ASAP1: variants seen among roughly 807,000 people sequenced by gnomAD.
ASAP1 encodes the protein arf-GAP with SH3 domain, ANK repeat and PH domain-containing protein 1.
A neutral mutation model predicts 145.2 loss-of-function variants in ASAP1; 43 were observed. The ratio of observed to expected loss-of-function variants is 0.30; its 90% CI spans 0.23 to 0.38. The LOEUF is 0.38. Among genes scored for constraint, ASAP1 ranks in the 10% least tolerant of loss-of-function variants. The pLI is 1.00. For missense variants in ASAP1, 1,018 were observed against 1,355.3 expected, an observed-to-expected ratio of 0.75 and a Z score of 3.91; for synonymous variants, 546 against 515.5, an observed-to-expected ratio of 1.06 and a Z score of -0.80.
chr8:130,054,405 G>A lies in ASAP1; in HGVS notation c.*326C>T, dbSNP rs1308197621. The A allele has an allele frequency of 4.3e-6, 1 of 231,336 alleles. No homozygotes were observed. Among genetic ancestry groups the A allele is most frequent in the Non-Finnish European group, 8.9e-6 (1 of 111,782 alleles). 14.3% of individuals were successfully genotyped at this position (231,336 alleles called of 1,614,324 possible). A position where few individuals can be genotyped will look rare whatever the true frequency, so the allele number is the denominator to read the frequency against. The stretch of plus-strand genomic sequence containing the variant: ...TCTATGCCTTTCAACGGTTGCTGGA[G>A]ACCACTTCTATTTGCAAAGCCAGCA... On this transcript the variant is annotated 3_prime_UTR_variant, in exon 30 of 30. Coordinates refer to ENST00000518721, the MANE Select transcript of ASAP1 (RefSeq NM_018482.4).
At chr8:130,226,127 C>T (rs1037885981) in intron 4 of ASAP1, among the ~76,000 whole-genome samples, 1 of 151,778 alleles carries the variant, frequency 6.6e-6, no homozygotes, top group Non-Finnish European at 1.5e-5. Context: ...ATTCTCTCGC[C>T]TCAGCCTCCC....
chr8:130,427,615 G>T (rs1045427024), intron 1 of ASAP1: 1 of 152,232 alleles, frequency 6.6e-6, no homozygotes, highest in Non-Finnish European at 1.5e-5. Context: ...GGTGCCGAAG[G>T]TCACCAAGCA....
chr8:130,194,848 A>C (rs1328819848), intron 5 of ASAP1, among the ~76,000 whole-genome samples: 2 of 151,906 alleles, frequency 1.3e-5, no homozygotes, highest in Non-Finnish European at 2.9e-5. Flanking sequence ...TTCCTAACAA[A>C]GACAATGAGT....
intron 3 of ASAP1, among the ~76,000 whole-genome samples, chr8:130,316,701 G>A (rs1823682144): frequency 6.6e-6 from 1 of 152,200 alleles, no homozygotes; most frequent in Non-Finnish European, 1.5e-5. Context: ...TGCTGAGGAA[G>A]GTGAGATCAA....
intron 27 of ASAP1, among the ~76,000 whole-genome samples, chr8:130,072,824 T>TGTGTGCGCGCGCGCGCGCGC: frequency 6.8e-4 from 22 of 32,306 alleles, no homozygotes; most frequent in Admixed American, 4.3e-3. Context: ...TGTGTGTGTG[T>TGTGTGCGCGCGCGCGCGCGC]GCGCGCGGGG....
At chr8:130,100,059 G>A (rs1247685044) in intron 24 of ASAP1, among the ~76,000 whole-genome samples, 3 of 152,066 alleles carry the variant, frequency 2.0e-5, no homozygotes, top group Non-Finnish European at 4.4e-5. Flanking sequence ...GTATGACAGT[G>A]CTATTTTCAG....
At chr8:130,338,958 G>A (rs1586859322) in intron 3 of ASAP1, among the ~76,000 whole-genome samples, 1 of 152,198 alleles carries the variant, frequency 6.6e-6, no homozygotes, top group African/African-American at 2.4e-5. Flanking sequence ...TCACAAGATG[G>A]GGGCAGAGTA....
At chr8:130,167,716 A>G (rs1402401042) in intron 10 of ASAP1, 94 bp from the exon 11 acceptor site, 4 of 909,834 alleles carry the variant, frequency 4.4e-6, no homozygotes, top group Non-Finnish European at 6.9e-6. Context: ...AAATTCTATT[A>G]TATATTTGGT....
rs138077188 is a variant in ASAP1 at position 130,380,568 on chromosome 8, A to G, written c.59+21317T>C. On this transcript the variant is annotated intron_variant, in intron 2 of 29. Coordinates refer to ENST00000518721, the MANE Select transcript of ASAP1 (RefSeq NM_018482.4). The stretch of plus-strand genomic sequence containing the variant: ...TCACTGTCCTCAAGGAGGAGCACAG[A>G]CAAGTCAAGAGGTGACTATAACCCA... Among the ~76,000 whole-genome samples, 45 of 152,300 alleles carry G rather than the reference A, an allele frequency of 3.0e-4. No individual in the cohort carries two copies. The East Asian group carries it at 7.9e-3, about 27-fold the overall frequency.
chr8:130,058,400 C>G (rs1011152243), intron 28 of ASAP1, among the ~76,000 whole-genome samples: 1 of 152,206 alleles, frequency 6.6e-6, no homozygotes, highest in Non-Finnish European at 1.5e-5. Context: ...GCACTCTGTA[C>G]GCACCCCCAA....
intron 15 of ASAP1, among the ~76,000 whole-genome samples, chr8:130,130,800 T>C (rs1166991364): frequency 1.3e-5 from 2 of 151,974 alleles, no homozygotes; most frequent in South Asian, 2.1e-4. Context: ...TCCCAGCTAC[T>C]GGGGAGGCTG....
chr8:130,195,294 GC>G (rs1477450360), intron 5 of ASAP1: 2 of 151,670 alleles, frequency 1.3e-5, no homozygotes, highest in East Asian at 1.9e-4. Flanking sequence ...CAAGCAATTG[GC>G]GGGGGCCAAG....
rs377575832 is a variant in ASAP1 at position 130,279,618 on chromosome 8, C to G, written c.187-42624G>C. Among the ~76,000 whole-genome samples, 27 of 152,332 alleles carry G rather than the reference C, an allele frequency of 1.8e-4. No individual in the cohort carries two copies. In the East Asian group the frequency reaches 1.9e-3, roughly 11 times the overall value. On this transcript the variant is annotated intron_variant, in intron 3 of 29. Coordinates refer to ENST00000518721, the MANE Select transcript of ASAP1 (RefSeq NM_018482.4). ...CAAACAAGAAACTAACCTCTTTCAGCTTTAGTTCCTTCATCTATAAAACAA... is the reference window on the plus strand; with the variant it reads ...CAAACAAGAAACTAACCTCTTTCAGGTTTAGTTCCTTCATCTATAAAACAA...
chr8:130,355,167 C>T (rs1431489850), intron 3 of ASAP1, among the ~76,000 whole-genome samples: 1 of 152,202 alleles, frequency 6.6e-6, no homozygotes, highest in Non-Finnish European at 1.5e-5. Flanking sequence ...GTATGACCCA[C>T]CACGCCCAGC....
intron 15 of ASAP1, among the ~76,000 whole-genome samples, chr8:130,134,082 G>A (rs1349809775): frequency 1.3e-5 from 2 of 152,330 alleles, no homozygotes; most frequent in East Asian, 1.9e-4. Flanking sequence ...GGCTTGAGCA[G>A]AATCTTGCAG....
intron 2 of ASAP1, among the ~76,000 whole-genome samples, chr8:130,386,452 AAC>A (rs1257039473): frequency 6.6e-6 from 1 of 152,162 alleles, no homozygotes; most frequent in Non-Finnish European, 1.5e-5. Flanking sequence ...CTGATGAAAA[AAC>A]ACAGCTGGGC....
chr8:130,182,923 GA>G (rs555095420), intron 7 of ASAP1, among the ~76,000 whole-genome samples: 4 of 149,870 alleles, frequency 2.7e-5, no homozygotes, highest in Admixed American at 6.6e-5. Context: ...AAACAGTGGG[GA>G]AAAAACACTG....
chr8:130,286,477 T>G (rs185160878), intron 3 of ASAP1, among the ~76,000 whole-genome samples: 1 of 152,188 alleles, frequency 6.6e-6, no homozygotes, highest in Non-Finnish European at 1.5e-5. Flanking sequence ...CTTCATGTAC[T>G]GATGGAGTTG....
At chr8:130,312,280 A>G (rs752772325) in intron 3 of ASAP1, among the ~76,000 whole-genome samples, 1 of 145,866 alleles carries the variant, frequency 6.9e-6, no homozygotes, top group Non-Finnish European at 1.5e-5. Context: ...CTGTCTTTAA[A>G]AAAAAAAAAA....
Sources: allele counts gnomAD v4.1 joint callset (sites outside exome capture counted in the v4.1 genomes callset), GRCh38; gene constraint gnomAD v4.1.1; transcripts MANE v1.5; gene names NCBI Gene and HGNC (gene_info 2026-07-23, HGNC 2026-07-21).